ANKS1B: variants seen among roughly 807,000 people sequenced by gnomAD.
The protein encoded by ANKS1B is ankyrin repeat and sterile alpha motif domain-containing protein 1B.
Under a neutral mutation model 148.3 loss-of-function variants are expected in ANKS1B, and 36 were observed. That is an observed-to-expected ratio of 0.24 (90% CI 0.19 to 0.32). The LOEUF is 0.32. ANKS1B is among the 10% of genes least tolerant of loss of function. The pLI, the probability that ANKS1B is intolerant of heterozygous loss-of-function variation, is 1.00. For missense variants in ANKS1B, 1,157 were observed against 1,542.6 expected, an observed-to-expected ratio of 0.75 and a Z score of 4.19; for synonymous variants, 542 against 560.8, an observed-to-expected ratio of 0.97 and a Z score of 0.47.
At chr12:99,454,187 G>C (rs539044643) in intron 10 of ANKS1B, among the ~76,000 whole-genome samples, 86 of 152,314 alleles carry the variant, frequency 5.6e-4, no homozygotes, top group Non-Finnish European at 1.1e-3. Flanking sequence ...ATGAAAGATG[G>C]AAAGGTGTAT....
chr12:98,910,373 A>G (rs1340405890), intron 17 of ANKS1B, among the ~76,000 whole-genome samples: 1 of 152,214 alleles, frequency 6.6e-6, no homozygotes, highest in Non-Finnish European at 1.5e-5. Context: ...TGATATTTAA[A>G]ACAGAAATAA....
chr12:99,498,282 G>C (rs2096623026), intron 10 of ANKS1B, among the ~76,000 whole-genome samples: 1 of 152,176 alleles, frequency 6.6e-6, no homozygotes, highest in Non-Finnish European at 1.5e-5. Context: ...CACTTCTGCT[G>C]TCAGATGAAA....
At chr12:99,089,299 T>G (rs1278675846) in intron 15 of ANKS1B, among the ~76,000 whole-genome samples, 1 of 152,078 alleles carries the variant, frequency 6.6e-6, no homozygotes, top group Non-Finnish European at 1.5e-5. Flanking sequence ...TCCAGTCCCA[T>G]GTTTTCATCT....
At position 99,375,665 on chromosome 12, in the gene ANKS1B, C is replaced by T. The variant is rs193224103; in HGVS notation, c.1756+23966G>A. Among the ~76,000 whole-genome samples the T allele has an allele frequency of 1.5e-3, 230 of 150,540 alleles. 1 individual carries two copies. Among genetic ancestry groups the T allele is most frequent in the African/African-American group, 5.6e-3 (226 of 40,712 alleles). ...GACAAAGGTATAATGAACTAAAACT[C>T]TAAGACATGTTAAAAAAAAAACCCT... On this transcript the variant is annotated intron_variant, in intron 12 of 26. Coordinates refer to ENST00000683438, the MANE Select transcript of ANKS1B (RefSeq NM_001352186.2).
intron 14 of ANKS1B, among the ~76,000 whole-genome samples, chr12:99,183,188 T>C (rs2079348297): frequency 6.6e-6 from 1 of 152,188 alleles, no homozygotes; most frequent in Non-Finnish European, 1.5e-5. Context: ...ACTGATGACA[T>C]GATGACCTTC....
intron 9 of ANKS1B, among the ~76,000 whole-genome samples, chr12:99,521,816 T>A (rs1036455850): frequency 2.0e-5 from 3 of 152,170 alleles, no homozygotes; most frequent in Non-Finnish European, 4.4e-5. Flanking sequence ...ATTGAAACTG[T>A]GCTCTGTCAG....
Position 99,450,140 on chromosome 12 carries a change from C to T in ANKS1B, c.1439-6331G>A, listed in dbSNP as rs541013761. Among the ~76,000 whole-genome samples, 7 of 152,160 alleles carry T rather than the reference C, an allele frequency of 4.6e-5. No individual in the cohort carries two copies. In the South Asian group the frequency reaches 1.5e-3, roughly 32 times the overall value. ...AGGTTGGCAGACTCGAAGTCAAGAG[C>T]CAACATTTCAGTCCAAGTCTGGAGG... On this transcript the variant is annotated intron_variant, in intron 10 of 26. Coordinates refer to ENST00000683438, the MANE Select transcript of ANKS1B (RefSeq NM_001352186.2).
At chr12:99,969,800 G>A (rs975537651) in intron 1 of ANKS1B, among the ~76,000 whole-genome samples, 12 of 152,288 alleles carry the variant, frequency 7.9e-5, no homozygotes, top group African/African-American at 2.9e-4. Context: ...CAGCACAATT[G>A]AAAGATATCT....
chr12:99,285,959 A>C (rs759829273), intron 12 of ANKS1B, among the ~76,000 whole-genome samples: 2 of 152,084 alleles, frequency 1.3e-5, no homozygotes, highest in Non-Finnish European at 1.5e-5. Context: ...TTCTAAATAA[A>C]CTTGAAAGAT....
At chr12:99,547,812 A>C (rs372254198) in intron 9 of ANKS1B, among the ~76,000 whole-genome samples, 1 of 152,216 alleles carries the variant, frequency 6.6e-6, no homozygotes, top group East Asian at 1.9e-4. Flanking sequence ...TCTTTTTCAC[A>C]TTATAACTCC....
chr12:99,059,900 A>G (rs1437574687), intron 16 of ANKS1B, among the ~76,000 whole-genome samples: 2 of 150,928 alleles, frequency 1.3e-5, no homozygotes, highest in African/African-American at 2.4e-5. Flanking sequence ...TGCATTCTCA[A>G]ATTAGCAATG....
chr12:99,201,616 T>C (rs1157840152), intron 14 of ANKS1B, among the ~76,000 whole-genome samples: 2 of 152,216 alleles, frequency 1.3e-5, no homozygotes, highest in Non-Finnish European at 1.5e-5. Context: ...CTTTCAGGTG[T>C]GCAGGCAATT....
chr12:99,083,337 T>C (rs530121542), intron 16 of ANKS1B, among the ~76,000 whole-genome samples: 24 of 152,300 alleles, frequency 1.6e-4, no homozygotes, highest in African/African-American at 5.1e-4. Flanking sequence ...ATCTGCCACC[T>C]GCCTCCAATC....
intron 17 of ANKS1B, among the ~76,000 whole-genome samples, chr12:98,838,726 T>C (rs1595135124): frequency 2.6e-5 from 4 of 152,206 alleles, no homozygotes; most frequent in African/African-American, 9.6e-5. Context: ...ACAGCTCCTA[T>C]GCAAGTCTGT....
chr12:98,835,167 T>C (rs1044795527), intron 17 of ANKS1B, among the ~76,000 whole-genome samples: 8 of 152,084 alleles, frequency 5.3e-5, no homozygotes, highest in Admixed American at 6.6e-5. Context: ...TGTGGTACAA[T>C]TGAGCTGATG....
At chr12:99,269,201 G>T (rs1049681332) in intron 12 of ANKS1B, among the ~76,000 whole-genome samples, 1 of 152,128 alleles carries the variant, frequency 6.6e-6, no homozygotes, top group African/African-American at 2.4e-5. Flanking sequence ...TGTCACTAAG[G>T]CAGTTAGTTT....
At chr12:99,151,443 G>T (rs185560031) in intron 15 of ANKS1B, among the ~76,000 whole-genome samples, 1 of 151,500 alleles carries the variant, frequency 6.6e-6, no homozygotes, top group Admixed American at 6.6e-5. Flanking sequence ...CAGGAGAATC[G>T]CTTGAACTGG....
intron 1 of ANKS1B, among the ~76,000 whole-genome samples, chr12:99,875,701 G>C (rs1277927210): frequency 6.6e-6 from 1 of 152,146 alleles, no homozygotes; most frequent in Admixed American, 6.5e-5. Flanking sequence ...GAAATGTCTG[G>C]AAGAACAATG....
chr12:99,355,860 T>A (rs1054158889), intron 12 of ANKS1B, among the ~76,000 whole-genome samples: 1 of 152,122 alleles, frequency 6.6e-6, no homozygotes, highest in African/African-American at 2.4e-5. Context: ...TAGTTATTGA[T>A]CTCTGTGGCA....
Sources: gnomAD v4.1 joint callset for allele counts (sites outside exome capture counted in the v4.1 genomes callset) on GRCh38, gnomAD v4.1.1 for gene constraint, MANE v1.5 for transcripts, NCBI Gene and HGNC (gene_info 2026-07-23, HGNC 2026-07-21) for gene names.